The following MYO10 variants were observed in gnomAD, a reference collection of about 807,000 sequenced individuals.
MYO10 encodes unconventional myosin-X.
MYO10 carries 133 observed loss-of-function variants against 257.3 expected under a neutral mutation model. The observed-to-expected ratio is 0.52, with a 90% CI of 0.45 to 0.60. The LOEUF is 0.60. MYO10 is among the 20% of genes least tolerant of loss of function. The pLI, the probability that MYO10 is intolerant of heterozygous loss-of-function variation, is 0.00. For missense variants in MYO10, 2,399 were observed against 2,635.7 expected (o/e 0.91, Z 1.97); for synonymous variants, 1,104 against 1,028.6 (o/e 1.07, Z -1.40).
At chr5:16,828,168 C>T (rs1420851004) in intron 2 of MYO10, among the ~76,000 whole-genome samples, 3 of 152,138 alleles carry the variant, frequency 2.0e-5, no homozygotes, top group Non-Finnish European at 4.4e-5. Flanking sequence ...GAGGGCAGCA[C>T]ACAGCTCACC....
At position 16,693,731 on chromosome 5, in the gene MYO10, C is replaced by G. The variant is rs1047553943; in HGVS notation, c.3800+640G>C. ...TTTCAGGCTTAGTATCTAGTTACCC[C>G]AGAAAACCAGCTGCTTGTAACTCCC... On this transcript the variant is annotated intron_variant, in intron 27 of 40. Coordinates refer to ENST00000513610, the MANE Select transcript of MYO10 (RefSeq NM_012334.3). Among the ~76,000 whole-genome samples the G allele has an allele frequency of 1.4e-4, 21 of 152,286 alleles. No homozygotes were observed. In the East Asian group the frequency reaches 3.1e-3, roughly 22 times the overall value.
intron 19 of MYO10, among the ~76,000 whole-genome samples, chr5:16,745,169 G>A (rs897536988): frequency 2.0e-5 from 3 of 151,982 alleles, no homozygotes; most frequent in South Asian, 2.1e-4. Flanking sequence ...GTGAAACCCC[G>A]TCTCTACTAA....
At chr5:16,714,108 C>A (rs1561203757) in intron 19 of MYO10, among the ~76,000 whole-genome samples, 1 of 151,796 alleles carries the variant, frequency 6.6e-6, no homozygotes, top group South Asian at 2.1e-4. Flanking sequence ...TTCCAAGGAC[C>A]CTGCAATTTA....
intron 3 of MYO10, among the ~76,000 whole-genome samples, chr5:16,817,241 A>G (rs1427075960): frequency 6.6e-6 from 1 of 152,240 alleles, no homozygotes; most frequent in African/African-American, 2.4e-5. Flanking sequence ...TAAAAACTAT[A>G]TAAATTTGAG....
chr5:16,680,790 T>C (rs1168147096), intron 32 of MYO10, among the ~76,000 whole-genome samples: 2 of 152,188 alleles, frequency 1.3e-5, no homozygotes, highest in Admixed American at 6.5e-5. Flanking sequence ...CGTACAATGA[T>C]GGAAAACAGC....
At chr5:16,792,740 G>C (rs1260863676) in intron 4 of MYO10, among the ~76,000 whole-genome samples, 1 of 152,106 alleles carries the variant, frequency 6.6e-6, no homozygotes, top group South Asian at 2.1e-4. Context: ...TGTGTGATTC[G>C]GGGCTGCAGT....
intron 33 of MYO10, among the ~76,000 whole-genome samples, chr5:16,677,606 G>T (rs2126485300): frequency 6.6e-6 from 1 of 151,478 alleles, no homozygotes; most frequent in South Asian, 2.1e-4. Flanking sequence ...TAGTAGAGAT[G>T]GGGTTTCACC....
At chr5:16,703,449 T>C (rs2402318) in intron 22 of MYO10, among the ~76,000 whole-genome samples, 1 of 152,038 alleles carries the variant, frequency 6.6e-6, no homozygotes, top group African/African-American at 2.4e-5. Context: ...GTTGGGTAAA[T>C]AGTTCCCAAA....
At chr5:16,828,006 C>T (rs1193544011) in intron 2 of MYO10, among the ~76,000 whole-genome samples, 1 of 152,168 alleles carries the variant, frequency 6.6e-6, no homozygotes, top group African/African-American at 2.4e-5. Context: ...TAGAGGGCCA[C>T]GTGTTCAGAG....
chr5:16,795,136 C>A (rs1741899912), intron 3 of MYO10, among the ~76,000 whole-genome samples: 1 of 152,154 alleles, frequency 6.6e-6, no homozygotes, highest in African/African-American at 2.4e-5. Context: ...TTAATCCCTT[C>A]CCATGGGCAA....
chr5:16,840,834 A>AT (rs1282636969), intron 2 of MYO10, among the ~76,000 whole-genome samples: 3 of 152,024 alleles, frequency 2.0e-5, no homozygotes, highest in African/African-American at 4.8e-5. Flanking sequence ...TATCTTTAAA[A>AT]TTTTTTTTAA....
Position 16,763,659 on chromosome 5 carries a change from T to A in MYO10, c.1423A>T (p.Ser475Cys), listed in dbSNP as rs1170927730. ...HIFSLEQLEYSREGLVWEDID... is the reference protein window; with the variant it reads ...HIFSLEQLEYCREGLVWEDID... ...TGGAATTCTATGAGTGCTTACCGGC[T>A]ATATTCTAGTTGTTCTAAAGAAAAA... The change falls in exon 13 of 41, where the codon AGC becomes TGC. Residue 475 changes from serine to cysteine, a missense_variant. Ser to Cys is a moderately radical substitution (Grantham distance 112). Coordinates refer to ENST00000513610, the MANE Select transcript of MYO10 (RefSeq NM_012334.3). The A allele has an allele frequency of 1.9e-6, 3 of 1,603,488 alleles. No homozygotes were observed. Among genetic ancestry groups the A allele is most frequent in the South Asian group, 2.2e-5 (2 of 90,696 alleles).
rs560450550 is a variant in MYO10 at position 16,935,972 on chromosome 5, C to T, written c.-164G>A. The T allele has an allele frequency of 1.5e-5, 12 of 804,200 alleles. No individual in the cohort carries two copies. The East Asian group carries it at 3.3e-4, about 22-fold the overall frequency. The allele number at this position is 804,200 out of a possible 1,614,324, so 49.8% of individuals were successfully genotyped here. A position where few individuals can be genotyped will look rare whatever the true frequency, so the allele number is the denominator to read the frequency against. The stretch of plus-strand genomic sequence containing the variant: ...CCCGGTCCCTTCTTGTCCTTCTCAC[C>T]TTTTGTTCGCCCAAACCCAAGTCCC... On this transcript the variant is annotated 5_prime_UTR_variant, in exon 1 of 41. Coordinates refer to ENST00000513610, the MANE Select transcript of MYO10 (RefSeq NM_012334.3).
chr5:16,692,087 A>G (rs927355865), intron 27 of MYO10, among the ~76,000 whole-genome samples: 6 of 152,134 alleles, frequency 3.9e-5, no homozygotes, highest in Non-Finnish European at 7.3e-5. Context: ...TAACTATAAA[A>G]CCAACCCAAA....
intron 2 of MYO10, among the ~76,000 whole-genome samples, chr5:16,834,190 G>C (rs575923679): frequency 6.6e-6 from 1 of 151,988 alleles, no homozygotes. Flanking sequence ...TAGTCTGAGC[G>C]GGCTGGCCTT....
At chr5:16,808,957 A>G (rs1352689902) in intron 3 of MYO10, among the ~76,000 whole-genome samples, 1 of 152,030 alleles carries the variant, frequency 6.6e-6, no homozygotes, top group African/African-American at 2.4e-5. Context: ...GGCATGAGCC[A>G]CCACGCCCAG....
intron 19 of MYO10, among the ~76,000 whole-genome samples, chr5:16,746,254 G>A (rs865816546): frequency 4.6e-5 from 7 of 152,150 alleles, no homozygotes; most frequent in African/African-American, 1.7e-4. Flanking sequence ...CACTCTCGTG[G>A]CCATCTTGGT....
At chr5:16,693,446 T>C (rs1737596066) in intron 27 of MYO10, among the ~76,000 whole-genome samples, 2 of 152,216 alleles carry the variant, frequency 1.3e-5, no homozygotes, top group African/African-American at 2.4e-5. Context: ...AAATGTCCAA[T>C]ATTCTGCCGT....
rs11950229 is a variant in MYO10, at chr5:16,763,180, T to C, written c.1494+301A>G. 3.5e-3 allele frequency among the ~76,000 whole-genome samples: 537 copies of C among 152,292 alleles called. 4 individuals carry two copies. The highest frequency in any genetic ancestry group is 0.012 in the African/African-American group (503 of 41,570). On this transcript the variant is annotated intron_variant, in intron 14 of 40. Coordinates refer to ENST00000513610, the MANE Select transcript of MYO10 (RefSeq NM_012334.3). ...GTTGCAATTTTGGGGATAAAACTTT[T>C]ACAACTGGCAAATCTATATTGGTAC...
Sources: allele counts gnomAD v4.1 joint callset (sites outside exome capture counted in the v4.1 genomes callset), GRCh38; gene constraint gnomAD v4.1.1; transcripts MANE v1.5; gene names NCBI Gene and HGNC (gene_info 2026-07-23, HGNC 2026-07-21).